Variants in SUGCT observed in about 807,000 individuals in gnomAD.
SUGCT encodes the protein succinyl-CoA:glutarate-CoA transferase, also known as succinyl-CoA:glutarate CoA-transferase.
In SUGCT, 41 loss-of-function variants were observed where a neutral mutation model predicts 55.0. The observed-to-expected ratio is 0.74, with a 90% CI of 0.58 to 0.97. The LOEUF (loss-of-function observed/expected upper bound fraction) is 0.97. Ranked by LOEUF, SUGCT falls within the 50% of genes least tolerant of loss-of-function variation. The pLI, the probability that SUGCT is intolerant of heterozygous loss-of-function variation, is 0.00. For synonymous variants in SUGCT, 187 were observed against 200.4 expected, an observed-to-expected ratio of 0.93 and a Z score of 0.56; for missense variants, 568 against 547.8, an observed-to-expected ratio of 1.04 and a Z score of -0.37.
chr7:40,460,866 A>C (rs1368052362), intron 11 of SUGCT, among the ~76,000 whole-genome samples: 1 of 152,192 alleles, frequency 6.6e-6, no homozygotes, highest in Non-Finnish European at 1.5e-5. Context: ...CAGACTTAAC[A>C]ATAAGTAAGG....
At chr7:40,403,371 A>G (rs970834272) in intron 9 of SUGCT, among the ~76,000 whole-genome samples, 1 of 152,198 alleles carries the variant, frequency 6.6e-6, no homozygotes, top group Non-Finnish European at 1.5e-5. Context: ...GTAGTATTTT[A>G]TCCAAAACAC....
chr7:40,233,601 C>T (rs1788846218), intron 6 of SUGCT, among the ~76,000 whole-genome samples: 1 of 152,130 alleles, frequency 6.6e-6, no homozygotes, highest in African/African-American at 2.4e-5. Context: ...TATTAAACAA[C>T]ATAATTTAAA....
At chr7:40,207,899 C>T (rs982018500) in intron 6 of SUGCT, among the ~76,000 whole-genome samples, 12 of 152,238 alleles carry the variant, frequency 7.9e-5, no homozygotes, top group East Asian at 3.9e-4. Context: ...TATTTGTACA[C>T]GCATTTTCAT....
rs113634530 is a variant in SUGCT at position 40,241,407 on chromosome 7, C to T, written c.576+3681C>T. 6.4e-3 allele frequency among the ~76,000 whole-genome samples: 967 copies of T among 151,338 alleles called. 7 individuals are homozygous for T. The highest frequency in any genetic ancestry group is 0.022 in the African/African-American group (890 of 41,244). On this transcript the variant is annotated intron_variant, in intron 7 of 13. Coordinates refer to ENST00000335693, the MANE Select transcript of SUGCT (RefSeq NM_001193313.2). Reference sequence around the variant, plus strand: ...CAGCCTGGCCAACATGGTGAAACCCCGTCTCTACTAAAAATACAAAAATTA... The same window carrying T: ...CAGCCTGGCCAACATGGTGAAACCCTGTCTCTACTAAAAATACAAAAATTA...
At chr7:40,149,920 AAAAC>A (rs2150602122) in intron 1 of SUGCT, among the ~76,000 whole-genome samples, 1 of 152,238 alleles carries the variant, frequency 6.6e-6, no homozygotes, top group East Asian at 1.9e-4. Context: ...ATTCTGTCTC[AAAAC>A]AAACAAAAAA....
intron 12 of SUGCT, among the ~76,000 whole-genome samples, chr7:40,556,195 A>G (rs976757253): frequency 6.6e-6 from 1 of 152,148 alleles, no homozygotes; most frequent in African/African-American, 2.4e-5. Context: ...GTTCCTAACA[A>G]CTTGAACTTG....
chr7:40,929,087 C>T, the SUGCT span, among the ~76,000 whole-genome samples: 4 of 152,026 alleles, frequency 2.6e-5, no homozygotes, highest in South Asian at 2.1e-4. Flanking sequence ...TCCCCCAGCC[C>T]GCCACCCCCT....
At chr7:40,393,368 A>G (rs1257172909) in intron 9 of SUGCT, among the ~76,000 whole-genome samples, 2 of 152,168 alleles carry the variant, frequency 1.3e-5, no homozygotes, top group East Asian at 3.9e-4. Flanking sequence ...AATGTCCACT[A>G]AATTAGGGAA....
chr7:40,775,009 A>G (rs1218196294), intron 13 of SUGCT, among the ~76,000 whole-genome samples: 1 of 152,228 alleles, frequency 6.6e-6, no homozygotes, highest in Non-Finnish European at 1.5e-5. Flanking sequence ...TCACAGTAGC[A>G]ATCTATACTT....
At chr7:40,302,043 A>G (rs1048871714) in intron 8 of SUGCT, among the ~76,000 whole-genome samples, 3 of 152,174 alleles carry the variant, frequency 2.0e-5, no homozygotes, top group Non-Finnish European at 2.9e-5. Flanking sequence ...GTGGCTGTGC[A>G]TTTCCACTGT....
intron 13 of SUGCT, among the ~76,000 whole-genome samples, chr7:40,843,637 T>G (rs4425648): frequency 0.22 from 33,104 of 151,932 alleles, 4,752 homozygotes; most frequent in East Asian, 0.8. Flanking sequence ...TGGAGCAAAG[T>G]TCCCAAGGAG....
chr7:40,447,893 C>A (rs1243757464), intron 9 of SUGCT, among the ~76,000 whole-genome samples: 3 of 152,048 alleles, frequency 2.0e-5, no homozygotes, highest in African/African-American at 7.3e-5. Context: ...AGCTAATTTA[C>A]TTTGGGGAAG....
chr7:40,820,259 T>C (rs2128766172), intron 13 of SUGCT, among the ~76,000 whole-genome samples: 1 of 146,484 alleles, frequency 6.8e-6, no homozygotes, highest in African/African-American at 2.5e-5. Flanking sequence ...TCTTTTTTGG[T>C]TCCATATGAA....
intron 6 of SUGCT, among the ~76,000 whole-genome samples, chr7:40,199,273 C>T (rs868525186): frequency 6.6e-6 from 1 of 152,112 alleles, no homozygotes; most frequent in South Asian, 2.1e-4. Flanking sequence ...TTGAAATTGC[C>T]TCAGTCTATG....
At chr7:40,873,108 GA>G in the SUGCT span, among the ~76,000 whole-genome samples, 1 of 152,270 alleles carries the variant, frequency 6.6e-6, no homozygotes, top group East Asian at 1.9e-4. Context: ...GAGCTTTCAA[GA>G]GGTACTTAAG....
At chr7:40,519,045 A>C (rs1461517489) in intron 12 of SUGCT, among the ~76,000 whole-genome samples, 1 of 152,080 alleles carries the variant, frequency 6.6e-6, no homozygotes, top group Non-Finnish European at 1.5e-5. Context: ...CACCAATATC[A>C]TGTATTCCTG....
chr7:40,323,785 G>T (rs768913837), intron 9 of SUGCT, among the ~76,000 whole-genome samples: 1 of 152,132 alleles, frequency 6.6e-6, no homozygotes, highest in Non-Finnish European at 1.5e-5. Flanking sequence ...TCTATTCCTG[G>T]CCTGCAGTCA....
At chr7:40,193,967 T>C (rs998352192) in intron 5 of SUGCT, among the ~76,000 whole-genome samples, 2 of 152,144 alleles carry the variant, frequency 1.3e-5, no homozygotes, top group African/African-American at 4.8e-5. Flanking sequence ...TCCCAATTTT[T>C]TGTAAAATTT....
chr7:40,969,381 G>T, the SUGCT span, among the ~76,000 whole-genome samples: 1 of 152,150 alleles, frequency 6.6e-6, no homozygotes, highest in Non-Finnish European at 1.5e-5. Context: ...TTTATTTAGA[G>T]ACAGAATGGT....
Sources: allele counts gnomAD v4.1 joint callset (sites outside exome capture counted in the v4.1 genomes callset), GRCh38; gene constraint gnomAD v4.1.1; transcripts MANE v1.5; gene names NCBI Gene and HGNC (gene_info 2026-07-23, HGNC 2026-07-21).